Variants in PCED1B observed in about 807,000 individuals in gnomAD.
The protein encoded by PCED1B is PC-esterase domain containing 1B.
For synonymous variants in PCED1B, 251 were observed against 246.1 expected (o/e 1.02, Z -0.19); for missense variants, 573 against 573.9 (o/e 1.00, Z 0.02).
intron 2 of PCED1B, among the ~76,000 whole-genome samples, chr12:47,111,826 A>G (rs10748462): frequency 0.58 from 87,634 of 152,036 alleles, 25,963 homozygotes; most frequent in Non-Finnish European, 0.65. Flanking sequence ...TTATTTACAG[A>G]TCTTATTAGA....
chr12:47,223,183 G>C (rs991615417), intron 3 of PCED1B, among the ~76,000 whole-genome samples: 1 of 152,118 alleles, frequency 6.6e-6, no homozygotes. Flanking sequence ...AAAGATACTA[G>C]GGAAAGACAG....
intron 2 of PCED1B, among the ~76,000 whole-genome samples, chr12:47,130,848 G>T (rs1039989953): frequency 2.0e-5 from 3 of 152,192 alleles, no homozygotes; most frequent in Non-Finnish European, 4.4e-5. Context: ...TATTAGTGCT[G>T]TTATGTTTTG....
At chr12:47,179,940 T>C (rs1410248879) in intron 2 of PCED1B, among the ~76,000 whole-genome samples, 1 of 152,208 alleles carries the variant, frequency 6.6e-6, no homozygotes, top group Non-Finnish European at 1.5e-5. Flanking sequence ...AATTTTTTTC[T>C]TCAACTTTTA....
At chr12:47,175,730 T>C (rs896154710) in intron 2 of PCED1B, among the ~76,000 whole-genome samples, 1 of 151,880 alleles carries the variant, frequency 6.6e-6, no homozygotes, top group African/African-American at 2.4e-5. Context: ...TCCGCCACCA[T>C]GCCCAGCTAA....
intron 2 of PCED1B, among the ~76,000 whole-genome samples, chr12:47,215,811 T>G (rs975923308): frequency 1.5e-5 from 2 of 135,236 alleles, no homozygotes; most frequent in Non-Finnish European, 3.2e-5. Flanking sequence ...TCCCAGCACT[T>G]TGGGAGGCCA....
chr12:47,144,543 C>T (rs1422696477), intron 2 of PCED1B, among the ~76,000 whole-genome samples: 2 of 152,132 alleles, frequency 1.3e-5, no homozygotes, highest in African/African-American at 4.8e-5. Context: ...TATAGTCATA[C>T]ATTGCATTTC....
intron 2 of PCED1B, among the ~76,000 whole-genome samples, chr12:47,143,799 A>AGGAT (rs1940684628): frequency 6.6e-6 from 1 of 152,142 alleles, no homozygotes; most frequent in South Asian, 2.1e-4. Flanking sequence ...ACAAAGCTAG[A>AGGAT]CTTCAAATTA....
chr12:47,159,463 A>G (rs927407316), intron 2 of PCED1B, among the ~76,000 whole-genome samples: 3 of 152,128 alleles, frequency 2.0e-5, no homozygotes, highest in Admixed American at 6.5e-5. Context: ...ATGATATCTC[A>G]TTGTGGTTTT....
chr12:47,143,021 G>A (rs1227644925), intron 2 of PCED1B, among the ~76,000 whole-genome samples: 1 of 152,098 alleles, frequency 6.6e-6, no homozygotes, highest in Non-Finnish European at 1.5e-5. Context: ...CATCCTTTAT[G>A]ATGAAACTCT....
intron 2 of PCED1B, among the ~76,000 whole-genome samples, chr12:47,129,430 A>T (rs930969980): frequency 2.0e-5 from 3 of 152,200 alleles, no homozygotes; most frequent in African/African-American, 7.2e-5. Context: ...CAGAGGTTGC[A>T]GTGAGCCATA....
intron 1 of PCED1B, among the ~76,000 whole-genome samples, chr12:47,091,711 C>G (rs1052599438): frequency 2.0e-5 from 3 of 152,098 alleles, no homozygotes; most frequent in Non-Finnish European, 2.9e-5. Flanking sequence ...GGTATTGACT[C>G]TTGTGTGTAA....
chr12:47,202,076 T>C (rs1942780728), intron 2 of PCED1B, among the ~76,000 whole-genome samples: 1 of 152,212 alleles, frequency 6.6e-6, no homozygotes, highest in Non-Finnish European at 1.5e-5. Flanking sequence ...TCTATATTCA[T>C]TGTAAGCACC....
At chr12:47,180,916 A>G (rs532185290) in intron 2 of PCED1B, among the ~76,000 whole-genome samples, 1 of 152,044 alleles carries the variant, frequency 6.6e-6, no homozygotes, top group African/African-American at 2.4e-5. Context: ...ATACATATAC[A>G]TACATACATA....
At chr12:47,108,745 T>A (rs1467953195) in intron 2 of PCED1B, among the ~76,000 whole-genome samples, 1 of 152,234 alleles carries the variant, frequency 6.6e-6, no homozygotes, top group Non-Finnish European at 1.5e-5. Context: ...TTCTCTTCTT[T>A]AAACTTCATG....
intron 2 of PCED1B, among the ~76,000 whole-genome samples, chr12:47,183,611 A>G (rs1352427992): frequency 6.6e-6 from 1 of 152,158 alleles, no homozygotes; most frequent in Admixed American, 6.5e-5. Flanking sequence ...ACACCTATAT[A>G]TCACCCATTG....
chr12:47,119,541 A>G (rs887904344), intron 2 of PCED1B, among the ~76,000 whole-genome samples: 1 of 152,080 alleles, frequency 6.6e-6, no homozygotes, highest in African/African-American at 2.4e-5. Flanking sequence ...TAAAAAAAAG[A>G]AAGAAAGAAA....
intron 2 of PCED1B, among the ~76,000 whole-genome samples, chr12:47,202,103 T>C (rs961899571): frequency 6.6e-6 from 1 of 152,212 alleles, no homozygotes; most frequent in African/African-American, 2.4e-5. Flanking sequence ...AAAATATAAA[T>C]ATCACCTAGA....
At chr12:47,128,368 T>TA (rs1399845716) in intron 2 of PCED1B, among the ~76,000 whole-genome samples, 2 of 152,208 alleles carry the variant, frequency 1.3e-5, no homozygotes, top group Non-Finnish European at 2.9e-5. Context: ...GCACCTTCTT[T>TA]ATCTAGACTC....
intron 2 of PCED1B, among the ~76,000 whole-genome samples, chr12:47,119,183 A>G (rs968294291): frequency 1.3e-5 from 2 of 152,208 alleles, no homozygotes; most frequent in African/African-American, 4.8e-5. Context: ...GCATAACCAC[A>G]TGCAAAAGAA....
Sources: gnomAD v4.1 joint callset for allele counts (sites outside exome capture counted in the v4.1 genomes callset) on GRCh38, gnomAD v4.1.1 for gene constraint, MANE v1.5 for transcripts, NCBI Gene and HGNC (gene_info 2026-07-23, HGNC 2026-07-21) for gene names.